Variants in SUGT1 observed in about 807,000 individuals in gnomAD.
The protein encoded by SUGT1 is SGT1 assembly cochaperone of MIS12 kinetochore complex, also known as protein SGT1 homolog.
Under a neutral mutation model 56.1 loss-of-function variants are expected in SUGT1, and 15 were observed. The observed-to-expected ratio is 0.27, with a 90% CI of 0.18 to 0.41. The LOEUF (loss-of-function observed/expected upper bound fraction) is 0.41. Among genes scored for constraint, SUGT1 ranks in the 10% least tolerant of loss-of-function variants. The pLI, the probability that SUGT1 is intolerant of heterozygous loss-of-function variation, is 1.00. For synonymous variants in SUGT1, 123 were observed against 128.6 expected, an observed-to-expected ratio of 0.96 and a Z score of 0.30; for missense variants, 347 against 382.2, an observed-to-expected ratio of 0.91 and a Z score of 0.77.
chr13:52,687,068 C>CCAA (rs1168375747), intron 12 of SUGT1: 1 of 64,850 alleles, frequency 1.5e-5, no homozygotes, highest in Non-Finnish European at 2.7e-5. Context: ...AACTCCGTCT[C>CCAA]AAAAAAAAAA....
intron 10 of SUGT1, 136 bp downstream of exon 10, chr13:52,667,055 CTT>C (rs968365969): frequency 1.6e-6 from 1 of 606,962 alleles, no homozygotes; most frequent in Non-Finnish European, 2.8e-6. Context: ...AGAATGATAA[CTT>C]TTGAGTATAA....
At position 52,697,486 on chromosome 13, in the gene SUGT1, A is replaced by G. The variant is rs1963972172; in HGVS notation, c.*9651A>G. On this transcript the variant is annotated 3_prime_UTR_variant, in exon 13 of 13. Coordinates refer to ENST00000310528, the MANE Select transcript of SUGT1 (RefSeq NM_006704.5). ...TGAGCATATGTAGCAATATGGAAAC[A>G]AAGAGTGAGTCAATTTATAAGCATA... The G allele has an allele frequency of 6.6e-6, 1 of 152,250 alleles. No individual in the cohort carries two copies. Among genetic ancestry groups the G allele is most frequent in the South Asian group, 2.1e-4 (1 of 4,832 alleles). 9.4% of individuals were successfully genotyped at this position (152,250 alleles called of 1,614,324 possible).
chr13:52,663,417 G>A (rs982733413), intron 7 of SUGT1, among the ~76,000 whole-genome samples: 2 of 152,060 alleles, frequency 1.3e-5, no homozygotes, highest in Non-Finnish European at 2.9e-5. Flanking sequence ...ATTTATTTAG[G>A]TTCAACAGTT....
intron 12 of SUGT1, among the ~76,000 whole-genome samples, chr13:52,681,675 T>C (rs988968009): frequency 6.6e-6 from 1 of 151,986 alleles, no homozygotes; most frequent in Non-Finnish European, 1.5e-5. Flanking sequence ...AGTTCTGGTC[T>C]CTACAAGAAA....
At chr13:52,685,851 G>A (rs1011196661) in intron 12 of SUGT1, among the ~76,000 whole-genome samples, 2 of 152,166 alleles carry the variant, frequency 1.3e-5, no homozygotes, top group African/African-American at 4.8e-5. Flanking sequence ...ATGCGGGGGT[G>A]GGGCGATAAG....
At chr13:52,686,227 C>T (rs1388429772) in intron 12 of SUGT1, among the ~76,000 whole-genome samples, 3 of 152,134 alleles carry the variant, frequency 2.0e-5, no homozygotes, top group African/African-American at 7.2e-5. Flanking sequence ...TACGCCTGGC[C>T]TTGGGGTAGT....
Position 52,685,628 on chromosome 13 carries a change from T to G in SUGT1, c.901-2106T>G, listed in dbSNP as rs116309485. On this transcript the variant is annotated intron_variant, in intron 12 of 12. Coordinates refer to ENST00000310528, the MANE Select transcript of SUGT1 (RefSeq NM_006704.5). Reference sequence around the variant, plus strand: ...TGAACTCATTTTCATATAGAAACTTTGACAATTATAACCAAATTGTGTATA... The same window carrying G: ...TGAACTCATTTTCATATAGAAACTTGGACAATTATAACCAAATTGTGTATA... Among the ~76,000 whole-genome samples the G allele has an allele frequency of 5.7e-3, 861 of 152,278 alleles. 4 individuals carry two copies. The highest frequency in any genetic ancestry group is 0.02 in the African/African-American group (832 of 41,566).
chr13:52,656,665 C>A (rs1962181237), intron 2 of SUGT1, among the ~76,000 whole-genome samples: 1 of 152,128 alleles, frequency 6.6e-6, no homozygotes, highest in African/African-American at 2.4e-5. Flanking sequence ...TTGACTGTAA[C>A]CCCATGTGAG....
chr13:52,673,460 C>G (rs553244186), intron 10 of SUGT1, among the ~76,000 whole-genome samples: 1 of 152,118 alleles, frequency 6.6e-6, no homozygotes, highest in Non-Finnish European at 1.5e-5. Context: ...TTACATGCAG[C>G]TATTTTAATG....
Position 52,680,018 on chromosome 13 carries a change from T to C in SUGT1, c.763T>C (p.Trp255Arg). 1 of 1,601,464 alleles carries C rather than the reference T, an allele frequency of 6.2e-7. No homozygotes were observed. Among genetic ancestry groups the C allele is most frequent in the Non-Finnish European group, 8.5e-7 (1 of 1,176,726 alleles). The stretch of plus-strand genomic sequence containing the variant: ...ATCATCATCTCCTTATACAAGAAAT[T>C]GGGATAAATTGGTTGGTGAGATCAA... ...YPSSSPYTRN[W>R]DKLVGEIKEE... Residue 255 changes from tryptophan to arginine, a missense_variant, in exon 12 of 13, where the codon TGG (tryptophan) becomes CGG (arginine). Trp to Arg is a moderately radical substitution (Grantham distance 101). Transcript: ENST00000310528.
At chr13:52,662,886 G>A (rs1263098694) in intron 6 of SUGT1, among the ~76,000 whole-genome samples, 184 bp downstream of exon 6, 1 of 152,104 alleles carries the variant, frequency 6.6e-6, no homozygotes, top group Non-Finnish European at 1.5e-5. Context: ...AGGGGGATTT[G>A]GGTGGATTTG....
rs757903271 is a variant in SUGT1 at position 52,680,204 on chromosome 13, T to C, written c.900+49T>C. On this transcript the variant is annotated intron_variant, in intron 12 of 12. Coordinates refer to ENST00000310528, the MANE Select transcript of SUGT1 (RefSeq NM_006704.5). ...TATATATGGGAGCAAATTTTACATA[T>C]TTTAAACGAGAAAATTGGTAATGTG... 4.0e-6 allele frequency: 6 copies of C among 1,509,518 alleles called. No individual in the cohort carries two copies. The African/African-American group carries it at 4.4e-5, about 11-fold the overall frequency. 93.5% of individuals were successfully genotyped at this position (1,509,518 alleles called of 1,614,324 possible).
chr13:52,670,825 A>G (rs1461054958), intron 10 of SUGT1, among the ~76,000 whole-genome samples: 5 of 152,168 alleles, frequency 3.3e-5, no homozygotes, highest in Non-Finnish European at 7.3e-5. Flanking sequence ...AAAGAAAAAA[A>G]AGAATTAGAA....
At position 52,696,431 on chromosome 13, in the gene SUGT1, T is replaced by C. The variant is rs1398180683; in HGVS notation, c.*8596T>C. On this transcript the variant is annotated 3_prime_UTR_variant, in exon 13 of 13. Transcript: ENST00000310528. Reference sequence around the variant, plus strand: ...AGGGTTAGTTGCGGCTGTGTCTGTTTTACCTTGTGTGTCTTGGTCAGTTAG... The same window carrying C: ...AGGGTTAGTTGCGGCTGTGTCTGTTCTACCTTGTGTGTCTTGGTCAGTTAG... 1 of 152,224 alleles carries C rather than the reference T, an allele frequency of 6.6e-6. No homozygotes were observed. Among genetic ancestry groups the C allele is most frequent in the Non-Finnish European group, 1.5e-5 (1 of 68,052 alleles). The allele number at this position is 152,224 out of a possible 1,614,324, so 9.4% of individuals were successfully genotyped here.
Position 52,689,320 on chromosome 13 carries a change from AAG to A in SUGT1, c.*1486_*1487del, listed in dbSNP as rs1963705857. On this transcript the variant is annotated 3_prime_UTR_variant, in exon 13 of 13. Transcript: ENST00000310528. Reference sequence around the variant, plus strand: ...GAACACTGAAGGAAAAGGCAAAATTAAGTTTTGGTTGGATGGATTTCTAAAGT... The same window carrying A: ...GAACACTGAAGGAAAAGGCAAAATTATTTTGGTTGGATGGATTTCTAAAGT... The A allele has an allele frequency of 6.6e-6, 1 of 152,144 alleles. No individual in the cohort carries two copies. The highest frequency in any genetic ancestry group is 2.4e-5 in the African/African-American group (1 of 41,424). The allele number at this position is 152,144 out of a possible 1,614,324, so 9.4% of individuals were successfully genotyped here. A position where few individuals can be genotyped will look rare whatever the true frequency, so the allele number is the denominator to read the frequency against.
Position 52,700,245 on chromosome 13 carries a change from TTAAAAC to T in SUGT1, c.*12413_*12418del, listed in dbSNP as rs1964043548. 6.6e-6 allele frequency: 1 copy of T among 152,172 alleles called. No homozygotes were observed. The allele number at this position is 152,172 out of a possible 1,614,324, so 9.4% of individuals were successfully genotyped here. On this transcript the variant is annotated 3_prime_UTR_variant, in exon 13 of 13. Coordinates refer to ENST00000310528, the MANE Select transcript of SUGT1 (RefSeq NM_006704.5). ...AATAAAGACTGCTATGTATTTGACT[TTAAAAC>T]TATAAAGATGTAAAAAAGGTTCACT...
chr13:52,668,466 T>G (rs1349274126), intron 10 of SUGT1, among the ~76,000 whole-genome samples: 1 of 151,996 alleles, frequency 6.6e-6, no homozygotes, highest in African/African-American at 2.4e-5. Flanking sequence ...AAGTGTAAAG[T>G]GAAGTAGTTT....
rs1181212431 is a variant in SUGT1, at chr13:52,694,023, T to G, written c.*6188T>G. The stretch of plus-strand genomic sequence containing the variant: ...ATATACAATATACCGCAATAAAACT[T>G]ATGTGAACAGTTATTTTTGGACAGC... On this transcript the variant is annotated 3_prime_UTR_variant, in exon 13 of 13. Coordinates refer to ENST00000310528, the MANE Select transcript of SUGT1 (RefSeq NM_006704.5). The G allele has an allele frequency of 6.6e-6, 1 of 152,166 alleles. No homozygotes were observed. Among genetic ancestry groups the G allele is most frequent in the Non-Finnish European group, 1.5e-5 (1 of 68,028 alleles). The allele number at this position is 152,166 out of a possible 1,614,324, so 9.4% of individuals were successfully genotyped here. A position where few individuals can be genotyped will look rare whatever the true frequency, so the allele number is the denominator to read the frequency against.
chr13:52,653,989 G>T (rs1962043730), intron 2 of SUGT1, among the ~76,000 whole-genome samples: 1 of 152,212 alleles, frequency 6.6e-6, no homozygotes, highest in African/African-American at 2.4e-5. Context: ...AGGAACAAGG[G>T]AATTAACTTG....
Sources: allele counts gnomAD v4.1 joint callset (sites outside exome capture counted in the v4.1 genomes callset), GRCh38; gene constraint gnomAD v4.1.1; transcripts MANE v1.5; gene names NCBI Gene and HGNC (gene_info 2026-07-23, HGNC 2026-07-21).